LCORL: variants seen among roughly 807,000 people sequenced by gnomAD.
LCORL encodes the protein ligand-dependent nuclear receptor corepressor-like protein.
Under a neutral mutation model 141.8 loss-of-function variants are expected in LCORL, and 41 were observed. The ratio of observed to expected loss-of-function variants is 0.29; its 90% confidence interval spans 0.23 to 0.38. The LOEUF is 0.38. Among genes scored for constraint, LCORL ranks in the 10% least tolerant of loss-of-function variants. The probability of loss-of-function intolerance (pLI) is 1.00; values close to 1 mark genes in which losing one functional copy is unlikely to be tolerated. For synonymous variants in LCORL, 618 were observed against 694.1 expected (o/e 0.89, Z 1.72); for missense variants, 1,759 against 2,035.0 (o/e 0.86, Z 2.61).
chr4:18,018,292 T>C (rs1724928861), intron 1 of LCORL, among the ~76,000 whole-genome samples: 1 of 152,148 alleles, frequency 6.6e-6, no homozygotes, highest in Non-Finnish European at 1.5e-5. Context: ...TAGGATACTA[T>C]TTACTACATC....
intron 4 of LCORL, among the ~76,000 whole-genome samples, chr4:17,943,557 T>G (rs181588349): frequency 1.5e-3 from 222 of 152,344 alleles, no homozygotes; most frequent in Non-Finnish European, 2.5e-3. Context: ...CTGGCAAGAA[T>G]GAAGACTTAA....
intron 5 of LCORL, among the ~76,000 whole-genome samples, chr4:17,907,080 A>C (rs2109318748): frequency 6.6e-6 from 1 of 152,292 alleles, no homozygotes; most frequent in Admixed American, 6.5e-5. Flanking sequence ...CAATTTCCTT[A>C]GAAATATTCT....
chr4:18,012,202 G>A (rs1253094789), intron 1 of LCORL, among the ~76,000 whole-genome samples: 1 of 152,184 alleles, frequency 6.6e-6, no homozygotes, highest in Admixed American at 6.5e-5. Context: ...GGTCCCTAGT[G>A]GGATGGATTA....
At chr4:17,878,966 C>T (rs1727218832) in intron 6 of LCORL, among the ~76,000 whole-genome samples, 1 of 150,692 alleles carries the variant, frequency 6.6e-6, no homozygotes, top group African/African-American at 2.4e-5. Flanking sequence ...TTTTTTTAAT[C>T]CAATACCAGC....
chr4:17,998,334 A>T (rs1020338180), intron 1 of LCORL, among the ~76,000 whole-genome samples: 2 of 151,974 alleles, frequency 1.3e-5, no homozygotes, highest in Non-Finnish European at 2.9e-5. Context: ...ACTTACTATA[A>T]TTTTTTTACA....
chr4:17,883,826 G>T, intron 6 of LCORL: 1 of 1,550,640 alleles, frequency 6.4e-7, no homozygotes, highest in Non-Finnish European at 8.7e-7. Flanking sequence ...AGTCTTCAGT[G>T]TTCCAGATCT....
intron 1 of LCORL, among the ~76,000 whole-genome samples, chr4:17,981,155 C>T (rs1717914461): frequency 6.6e-6 from 1 of 152,148 alleles, no homozygotes; most frequent in Non-Finnish European, 1.5e-5. Flanking sequence ...ACAAACATTG[C>T]TGCACTGGAA....
At chr4:17,892,030 G>A (rs1046714839) in intron 5 of LCORL, among the ~76,000 whole-genome samples, 2 of 152,016 alleles carry the variant, frequency 1.3e-5, no homozygotes, top group African/African-American at 4.8e-5. Flanking sequence ...TCCAAATTTC[G>A]ATTTTAAAAA....
chr4:17,919,263 T>G (rs529534097), intron 4 of LCORL, among the ~76,000 whole-genome samples: 2 of 152,090 alleles, frequency 1.3e-5, no homozygotes, highest in South Asian at 2.1e-4. Context: ...AACCAAAAAT[T>G]TACCCCAAAG....
chr4:17,958,998 C>T (rs1184599815), intron 4 of LCORL, among the ~76,000 whole-genome samples: 1 of 152,030 alleles, frequency 6.6e-6, no homozygotes, highest in African/African-American at 2.4e-5. Context: ...AGAACATCCT[C>T]CTCTGCATTT....
At chr4:17,873,854 T>C in exon 7 of LCORL, 1 of 1,234,044 alleles carries the variant, frequency 8.1e-7, no homozygotes, top group Non-Finnish European at 1.0e-6. Context: ...GACATACATT[T>C]TCTAGTCTTG....
rs1178294286 is a variant in LCORL at position 17,882,662 on chromosome 4, A to C, written c.776+3406T>G. ...TGATAATGTATCGCCCACCAAAATG[A>C]AATCTGCAATTCATTTTGATAAACT... On this transcript the variant is annotated intron_variant, in intron 6 of 7. Transcript: ENST00000635767. The C allele has an allele frequency of 6.1e-6, 6 of 984,660 alleles. No individual in the cohort carries two copies. The East Asian group carries it at 6.8e-4, about 112-fold the overall frequency. The allele number at this position is 984,660 out of a possible 1,614,324, so 61.0% of individuals were successfully genotyped here.
intron 2 of LCORL, among the ~76,000 whole-genome samples, chr4:17,972,211 T>C (rs1716099799): frequency 6.6e-6 from 1 of 151,852 alleles, no homozygotes; most frequent in African/African-American, 2.4e-5. Context: ...TTCTACTCAA[T>C]ATTTTCTATA....
chr4:17,845,496 C>A, exon 8 of LCORL: 2 of 378,936 alleles, frequency 5.3e-6, no homozygotes, highest in South Asian at 6.5e-5. Flanking sequence ...CACATAATAC[C>A]ACTAAAAGAG....
At chr4:17,973,905 CTAA>C in intron 1 of LCORL, among the ~76,000 whole-genome samples, 1 of 152,080 alleles carries the variant, frequency 6.6e-6, no homozygotes, top group South Asian at 2.1e-4. Context: ...CATCCTACAA[CTAA>C]TAATGTCTTA....
intron 4 of LCORL, among the ~76,000 whole-genome samples, chr4:17,919,211 A>C (rs1733925626): frequency 6.6e-6 from 1 of 152,194 alleles, no homozygotes; most frequent in South Asian, 2.1e-4. Context: ...AAGTAACAGA[A>C]AATATGAATA....
intron 7 of LCORL, among the ~76,000 whole-genome samples, chr4:17,850,012 G>C (rs1387232765): frequency 6.6e-6 from 1 of 150,698 alleles, no homozygotes; most frequent in African/African-American, 2.4e-5. Context: ...ACAAACCTGA[G>C]AAAAACAAGC....
intron 4 of LCORL, among the ~76,000 whole-genome samples, chr4:17,934,462 G>A (rs960090100): frequency 6.6e-6 from 1 of 151,978 alleles, no homozygotes; most frequent in Admixed American, 6.6e-5. Context: ...CCTTTAAAAA[G>A]CATTCAGTAG....
chr4:17,948,890 A>G (rs1265269579), intron 4 of LCORL, among the ~76,000 whole-genome samples: 3 of 148,282 alleles, frequency 2.0e-5, no homozygotes, highest in East Asian at 4.0e-4. Context: ...AAGCCAAAGG[A>G]AAGAGAGTTT....
Sources: gnomAD v4.1 joint callset for allele counts (sites outside exome capture counted in the v4.1 genomes callset) on GRCh38, gnomAD v4.1.1 for gene constraint, MANE v1.5 for transcripts, NCBI Gene and HGNC (gene_info 2026-07-23, HGNC 2026-07-21) for gene names.